The following FTO variants were observed in gnomAD, a reference collection of about 807,000 sequenced individuals.
FTO encodes alpha-ketoglutarate-dependent dioxygenase FTO.
Under a neutral mutation model 63.9 loss-of-function variants are expected in FTO, and 47 were observed. That is an observed-to-expected ratio of 0.74 (90% CI 0.58 to 0.94). FTO has a LOEUF of 0.94. Among genes scored for constraint, FTO ranks in the 40% least tolerant of loss-of-function variants. FTO has a pLI of 0.00. For missense variants in FTO, 562 were observed against 618.1 expected (o/e 0.91, Z 0.96); for synonymous variants, 207 against 224.4 (o/e 0.92, Z 0.69).
intron 1 of FTO, among the ~76,000 whole-genome samples, chr16:53,730,937 G>T (rs4280233): frequency 0.06 from 9,164 of 152,210 alleles, 385 homozygotes; most frequent in East Asian, 0.24. Context: ...TTGAGTCAGT[G>T]GGTTTAAACA....
intron 8 of FTO, among the ~76,000 whole-genome samples, chr16:54,098,750 C>T (rs2086568652): frequency 6.6e-6 from 1 of 152,180 alleles, no homozygotes; most frequent in Non-Finnish European, 1.5e-5. Flanking sequence ...CTAGATATGG[C>T]ATTGGCCTTT....
intron 8 of FTO, among the ~76,000 whole-genome samples, chr16:54,062,176 G>A (rs1488754169): frequency 6.6e-6 from 1 of 152,176 alleles, no homozygotes; most frequent in Non-Finnish European, 1.5e-5. Context: ...CAGTCAACTC[G>A]TGGAAATGAT....
intron 7 of FTO, among the ~76,000 whole-genome samples, chr16:53,908,106 A>G (rs531916514): frequency 1.3e-5 from 2 of 152,362 alleles, no homozygotes; most frequent in South Asian, 4.1e-4. Context: ...ATTGTTGATC[A>G]TATTGTAAAA....
intron 4 of FTO, among the ~76,000 whole-genome samples, chr16:53,857,458 C>CTG (rs1452163243): frequency 6.6e-5 from 10 of 151,272 alleles, no homozygotes; most frequent in Non-Finnish European, 1.3e-4. Context: ...CTCTCTCTCT[C>CTG]TCTCTCTCTT....
chr16:53,720,659 T>A (rs2076018254), intron 1 of FTO, among the ~76,000 whole-genome samples: 1 of 145,650 alleles, frequency 6.9e-6, no homozygotes, highest in Non-Finnish European at 1.5e-5. Flanking sequence ...TATATATCTT[T>A]TATATATATA....
chr16:53,826,133 A>C lies in FTO; in HGVS notation c.393A>C (p.Glu131Asp). 2 of 1,614,168 alleles carry C rather than the reference A, an allele frequency of 1.2e-6. No individual in the cohort carries two copies. The highest frequency in any genetic ancestry group is 1.7e-6 in the Non-Finnish European group (2 of 1,180,036). Residue 131 changes from glutamate (E) to aspartate (D), a missense_variant, in exon 3 of 9, where the codon GAA becomes GAC. Physicochemically the swap from Glu to Asp is conservative, Grantham distance 45. Coordinates refer to ENST00000471389, the MANE Select transcript of FTO (RefSeq NM_001080432.3). ...KGSNIKHTEA[E>D]IAAACETFLK... The stretch of plus-strand genomic sequence containing the variant: ...CTAATATAAAACACACCGAGGCTGA[A>C]ATAGCCGCTGCTTGTGAGACCTTCC...
At chr16:53,913,207 A>G (rs2081759988) in intron 7 of FTO, among the ~76,000 whole-genome samples, 1 of 152,236 alleles carries the variant, frequency 6.6e-6, no homozygotes, top group Admixed American at 6.5e-5. Context: ...ATGCAAAAGA[A>G]ACACTTCTGT....
At chr16:54,015,176 T>G (rs998017821) in intron 8 of FTO, among the ~76,000 whole-genome samples, 8 of 152,142 alleles carry the variant, frequency 5.3e-5, no homozygotes, top group African/African-American at 1.9e-4. Context: ...CATGTTTTAA[T>G]GGAGAGAGAT....
rs139325981 is a variant in FTO at position 53,884,723 on chromosome 16, C to A, written c.1120-4109C>A. Among the ~76,000 whole-genome samples the A allele has an allele frequency of 1.6e-3, 247 of 152,286 alleles. 1 individual carries two copies. The highest frequency in any genetic ancestry group is 5.7e-3 in the African/African-American group (236 of 41,548). ...GTCTTATTAGCTTTGCTCTCCAATG[C>A]CTAAGTGCCCAATGACTGAAGTCCA... On this transcript the variant is annotated intron_variant, in intron 6 of 8. Transcript: ENST00000471389.
At chr16:54,004,296 G>A (rs185279876) in intron 8 of FTO, among the ~76,000 whole-genome samples, 6 of 152,170 alleles carry the variant, frequency 3.9e-5, no homozygotes, top group African/African-American at 9.6e-5. Flanking sequence ...AGAGGCGGAG[G>A]GGGGAGGATC....
chr16:53,827,753 G>A (rs984710503), intron 3 of FTO, among the ~76,000 whole-genome samples: 3 of 152,118 alleles, frequency 2.0e-5, no homozygotes, highest in Non-Finnish European at 4.4e-5. Flanking sequence ...TAAGAAAATC[G>A]CTTGAAGGGA....
rs546758425 is a variant in FTO, at chr16:54,073,327, CT to C, written c.1365-38433del. ...TAAGTTCAGAGAATCTGATGTCTCTCTTCTCTGACTCTTTAGTAGGCAAATT... is the reference window on the plus strand; with the variant it reads ...TAAGTTCAGAGAATCTGATGTCTCTCTCTCTGACTCTTTAGTAGGCAAATT... On this transcript the variant is annotated intron_variant, in intron 8 of 8. Transcript: ENST00000471389. 1.7e-3 allele frequency among the ~76,000 whole-genome samples: 259 copies of C among 152,298 alleles called. 3 individuals carry two copies. The highest frequency in any genetic ancestry group is 5.7e-3 in the African/African-American group (237 of 41,560).
chr16:53,865,838 T>A (rs186857445), intron 4 of FTO, among the ~76,000 whole-genome samples: 424 of 152,342 alleles, frequency 2.8e-3, no homozygotes, highest in Non-Finnish European at 5.4e-3. Flanking sequence ...TAATATAATC[T>A]GTGAACAAAC....
intron 7 of FTO, among the ~76,000 whole-genome samples, chr16:53,923,960 G>A (rs2082072496): frequency 6.6e-6 from 1 of 152,084 alleles, no homozygotes; most frequent in Admixed American, 6.5e-5. Context: ...TCTACTCGTA[G>A]AAGGAGAGAG....
At chr16:54,056,503 T>C (rs1167145308) in intron 8 of FTO, among the ~76,000 whole-genome samples, 1 of 152,180 alleles carries the variant, frequency 6.6e-6, no homozygotes, top group Non-Finnish European at 1.5e-5. Flanking sequence ...ACGCTTCTGA[T>C]GAATTGAGTA....
At chr16:54,099,274 T>C (rs1261182692) in intron 8 of FTO, among the ~76,000 whole-genome samples, 2 of 152,196 alleles carry the variant, frequency 1.3e-5, no homozygotes, top group Non-Finnish European at 2.9e-5. Flanking sequence ...ACTAGCAGAA[T>C]ATATTTTCTT....
chr16:53,775,929 C>T (rs533629318), intron 1 of FTO, among the ~76,000 whole-genome samples: 155 of 152,122 alleles, frequency 1.0e-3, no homozygotes, highest in Non-Finnish European at 1.9e-3. Context: ...ATATACTCTC[C>T]GCTCCTTTTT....
chr16:53,865,802 T>G (rs572004401), intron 4 of FTO, among the ~76,000 whole-genome samples: 1 of 152,318 alleles, frequency 6.6e-6, no homozygotes, highest in South Asian at 2.1e-4. Flanking sequence ...AGATTATTGA[T>G]TCTTTTGAAT....
At chr16:54,091,806 T>C (rs1314078456) in intron 8 of FTO, among the ~76,000 whole-genome samples, 1 of 152,174 alleles carries the variant, frequency 6.6e-6, no homozygotes, top group African/African-American at 2.4e-5. Context: ...CTTTGTGACC[T>C]TGGGCAAATT....
Sources: allele counts gnomAD v4.1 joint callset (sites outside exome capture counted in the v4.1 genomes callset), GRCh38; gene constraint gnomAD v4.1.1; transcripts MANE v1.5; gene names NCBI Gene and HGNC (gene_info 2026-07-23, HGNC 2026-07-21).